Variants in DOCK3 observed in about 807,000 individuals in gnomAD.
DOCK3 encodes dedicator of cytokinesis 3.
In DOCK3, 60 loss-of-function variants were observed where a neutral mutation model predicts 265.6. That is an observed-to-expected ratio of 0.23 (90% CI 0.18 to 0.28). DOCK3 has a LOEUF of 0.28. DOCK3 is among the 10% of genes least tolerant of loss of function. The pLI is 1.00. For synonymous variants in DOCK3, 881 were observed against 938.0 expected (o/e 0.94, Z 1.11); for missense variants, 1,981 against 2,594.3 (o/e 0.76, Z 5.14).
At chr3:51,064,199 A>C (rs2081513430) in intron 5 of DOCK3, among the ~76,000 whole-genome samples, 1 of 152,192 alleles carries the variant, frequency 6.6e-6, no homozygotes, top group Non-Finnish European at 1.5e-5. Context: ...ATAATCTAGG[A>C]TGTGGTAGAG....
intron 4 of DOCK3, among the ~76,000 whole-genome samples, chr3:50,923,337 A>G (rs972598354): frequency 6.6e-6 from 1 of 152,024 alleles, no homozygotes; most frequent in African/African-American, 2.4e-5. Context: ...CTTTAAGGAC[A>G]CTCCACGCTA....
chr3:51,168,689 T>G (rs572982780), intron 12 of DOCK3, among the ~76,000 whole-genome samples: 2 of 152,262 alleles, frequency 1.3e-5, no homozygotes, highest in Admixed American at 6.5e-5. Context: ...TGGGCAAAGA[T>G]TTCATGATGA....
intron 27 of DOCK3, among the ~76,000 whole-genome samples, chr3:51,289,883 C>T (rs1331039702): frequency 6.6e-6 from 1 of 152,172 alleles, no homozygotes; most frequent in African/African-American, 2.4e-5. Context: ...AGGATATGAA[C>T]AGACACTTCT....
In DOCK3 at chr3:51,361,415, T is replaced by A. The variant is rs2086722319; in HGVS notation, c.5007-444T>A. Among the ~76,000 whole-genome samples the A allele has an allele frequency of 6.6e-6, 1 of 151,936 alleles. No individual in the cohort carries two copies. The highest frequency in any genetic ancestry group is 2.4e-5 in the African/African-American group (1 of 41,340). ...TGCAGATAGTTCACAGCCGGCTATT[T>A]TGGTAGCTTCCCACACTAGGAAGAA... On this transcript the variant is annotated intron_variant, in intron 47 of 52. Coordinates refer to ENST00000266037, the MANE Select transcript of DOCK3 (RefSeq NM_004947.5). This position sits in a 1 kb window ranked among gnomAD's most constrained non-coding sequence, Gnocchi z 4.2.
chr3:50,928,079 G>C (rs566509045), intron 4 of DOCK3, among the ~76,000 whole-genome samples: 281 of 150,420 alleles, frequency 1.9e-3, no homozygotes, highest in African/African-American at 6.6e-3. Context: ...CCTCTCTATT[G>C]AGGTTTCCTT....
chr3:50,943,692 T>C (rs561901135), intron 5 of DOCK3, among the ~76,000 whole-genome samples: 6 of 152,246 alleles, frequency 3.9e-5, no homozygotes, highest in Non-Finnish European at 7.4e-5. Flanking sequence ...ATATAATCAG[T>C]ATTAAGTGGT....
rs1399056611 is a variant in DOCK3, at chr3:50,886,208, A to ATATATATATATATATATATATATATG, written c.163-3817_163-3816insATATATATATATATATATATATATGT. On this transcript the variant is annotated intron_variant, in intron 3 of 52. Transcript: ENST00000266037. ...TGGAGATATATATATATATATATAT[A>ATATATATATATATATATATATATATG]TTCCAGAGTTTTTAGGTATGCACTA... Among the ~76,000 whole-genome samples, 50 of 136,896 alleles carry ATATATATATATATATATATATATATG rather than the reference A, an allele frequency of 3.7e-4. 2 individuals carry two copies. Among genetic ancestry groups the ATATATATATATATATATATATATATG allele is most frequent in the South Asian group, 6.9e-4 (3 of 4,354 alleles). 89.8% of individuals were successfully genotyped at this position (136,896 alleles called of 152,430 possible).
At chr3:50,913,554 C>T (rs1318994705) in intron 4 of DOCK3, among the ~76,000 whole-genome samples, 1 of 152,018 alleles carries the variant, frequency 6.6e-6, no homozygotes, top group Non-Finnish European at 1.5e-5. Flanking sequence ...CCCTGGACTG[C>T]CTTTCAAGAT....
intron 5 of DOCK3, among the ~76,000 whole-genome samples, chr3:50,964,997 GTTT>G (rs2076988924): frequency 6.6e-6 from 1 of 152,038 alleles, no homozygotes; most frequent in South Asian, 2.1e-4. Flanking sequence ...AAATAAAGAT[GTTT>G]TAGATATAAA....
chr3:50,853,356 T>A (rs1040042978), intron 3 of DOCK3, among the ~76,000 whole-genome samples: 3 of 152,002 alleles, frequency 2.0e-5, no homozygotes, highest in Non-Finnish European at 4.4e-5. Context: ...GTTTGTTACA[T>A]GGGTATATTG....
At chr3:51,301,478 A>G (rs528496996) in intron 27 of DOCK3, among the ~76,000 whole-genome samples, 1 of 150,088 alleles carries the variant, frequency 6.7e-6, no homozygotes, top group Non-Finnish European at 1.5e-5. Context: ...TTGGTTCTCT[A>G]GTTCTTTTAG....
At chr3:51,125,476 C>T (rs1465981849) in intron 9 of DOCK3, among the ~76,000 whole-genome samples, 1 of 152,122 alleles carries the variant, frequency 6.6e-6, no homozygotes, top group Non-Finnish European at 1.5e-5. Flanking sequence ...CTGCCTTTCT[C>T]ATCAGGATTC....
chr3:50,675,337 TG>T lies in DOCK3; in HGVS notation c.37+42del, dbSNP rs1452793061. ...TCAGGCCTGGCCGTGGCGGGGGTTC[TG>T]GGGGACGCGCCCAGCTCCCGGCCCC... On this transcript the variant is annotated intron_variant, in intron 1 of 52. Transcript: ENST00000266037. This position sits in a 1 kb window ranked among gnomAD's most constrained non-coding sequence, Gnocchi z 6.1. 2.5e-6 allele frequency: 3 copies of T among 1,214,198 alleles called. No individual in the cohort carries two copies. Among genetic ancestry groups the T allele is most frequent in the East Asian group, 3.7e-5 (1 of 26,758 alleles). The allele number at this position is 1,214,198 out of a possible 1,614,324, so 75.2% of individuals were successfully genotyped here. A position where few individuals can be genotyped will look rare whatever the true frequency, so the allele number is the denominator to read the frequency against.
At chr3:51,267,606 G>C (rs1333705959) in intron 23 of DOCK3, among the ~76,000 whole-genome samples, 1 of 151,820 alleles carries the variant, frequency 6.6e-6, no homozygotes, top group Admixed American at 6.6e-5. Context: ...GGCTAGTCTC[G>C]AACTCCTGAC....
At chr3:51,273,342 T>C (rs2080619195) in intron 24 of DOCK3, among the ~76,000 whole-genome samples, 1 of 152,188 alleles carries the variant, frequency 6.6e-6, no homozygotes, top group Admixed American at 6.5e-5. Context: ...GGATTTTAGA[T>C]GACAAACAGC....
chr3:51,228,561 T>G, intron 17 of DOCK3, 100 bp from the exon 18 acceptor site: 1 of 1,351,154 alleles, frequency 7.4e-7, no homozygotes. Context: ...CGTTCAGCCT[T>G]AGGAAGATGA....
chr3:51,136,462 T>C (rs974579605), intron 9 of DOCK3, among the ~76,000 whole-genome samples: 1 of 151,950 alleles, frequency 6.6e-6, no homozygotes, highest in Admixed American at 6.6e-5. Context: ...ATGGTCTTGA[T>C]CTCCTGACCT....
intron 12 of DOCK3, among the ~76,000 whole-genome samples, chr3:51,170,531 G>T (rs1040058474): frequency 1.3e-5 from 2 of 151,900 alleles, no homozygotes; most frequent in African/African-American, 4.8e-5. Context: ...ACATATAATT[G>T]TACATAGAAG....
At chr3:50,865,619 G>A (rs996579518) in intron 3 of DOCK3, among the ~76,000 whole-genome samples, 7 of 152,158 alleles carry the variant, frequency 4.6e-5, no homozygotes, top group Admixed American at 2.6e-4. Flanking sequence ...ACATGGGAGC[G>A]CATGTATCTC....
Sources: allele counts gnomAD v4.1 joint callset (sites outside exome capture counted in the v4.1 genomes callset), GRCh38; gene constraint gnomAD v4.1.1; non-coding constraint Gnocchi (gnomAD v3.1); transcripts MANE v1.5; gene names NCBI Gene and HGNC (gene_info 2026-07-23, HGNC 2026-07-21).